CACNB3: variants seen among roughly 807,000 people sequenced by gnomAD.
The protein encoded by CACNB3 is voltage-dependent L-type calcium channel subunit beta-3.
A neutral mutation model predicts 63.7 loss-of-function variants in CACNB3; 36 were observed. The observed-to-expected ratio is 0.57, with a 90% CI of 0.43 to 0.75. The LOEUF (loss-of-function observed/expected upper bound fraction) is 0.75, where lower values mean the gene tolerates loss of function less well. CACNB3 is among the 30% of genes least tolerant of loss of function. The pLI, the probability that CACNB3 is intolerant of heterozygous loss-of-function variation, is 0.00. For missense variants in CACNB3, 493 were observed against 648.6 expected (o/e 0.76, Z 2.61); for synonymous variants, 241 against 250.6 (o/e 0.96, Z 0.36).
At chr12:48,815,780 G>A (rs537451015), upstream of CACNB3, 14 of 1,126,886 alleles carry the variant, frequency 1.2e-5, no homozygotes, top group South Asian at 1.6e-4. Flanking sequence ...CCACTGGGTG[G>A]GAGGAGAGCT....
At position 48,826,250 on chromosome 12, in the gene CACNB3, G is replaced by T; in HGVS notation, c.743-117G>T. On this transcript the variant is annotated intron_variant, in intron 9 of 12. Transcript: ENST00000301050. This position sits in a 1 kb window ranked among gnomAD's most constrained non-coding sequence, Gnocchi z 4.8. ...CCATTCCTCTGCCTGTCCAGGCTTC[G>T]ATGAATGCCCTTTTCCTCCAATTCC... 4 of 1,026,332 alleles carry T rather than the reference G, an allele frequency of 3.9e-6. No homozygotes were observed. The highest frequency in any genetic ancestry group is 5.8e-6 in the Non-Finnish European group (4 of 686,392). 63.6% of individuals were successfully genotyped at this position (1,026,332 alleles called of 1,614,324 possible).
rs1420940083 is a variant in CACNB3 at position 48,826,305 on chromosome 12, G to T, written c.743-62G>T. The T allele has an allele frequency of 1.3e-6, 2 of 1,577,878 alleles. No homozygotes were observed. The highest frequency in any genetic ancestry group is 1.7e-5 in the Admixed American group (1 of 59,492). On this transcript the variant is annotated intron_variant, in intron 9 of 12. Transcript: ENST00000301050. The surrounding 1 kb of genome is among the most constrained non-coding windows in gnomAD (Gnocchi z 4.8). ...TGTCCACCATTCGGGAGCCCTCAAA[G>T]CCTGCTGGAGTGAGCAGTGGGCAGA...
chr12:48,827,906 C>T lies in CACNB3; in HGVS notation c.*7C>T, dbSNP rs892732767. On this transcript the variant is annotated 3_prime_UTR_variant, in exon 13 of 13. Coordinates refer to ENST00000301050, the MANE Select transcript of CACNB3 (RefSeq NM_000725.4). ...GCCCAAGGATAGCTACTGACAGCCT[C>T]CTGCTGCCCTACCCTGGCAGGCACA... The T allele has an allele frequency of 4.3e-6, 7 of 1,610,364 alleles. No homozygotes were observed. Among genetic ancestry groups the T allele is most frequent in the Middle Eastern group, 1.6e-4 (1 of 6,074 alleles).
chr12:48,826,757 A>G lies in CACNB3; in HGVS notation c.895-2A>G, dbSNP rs1565670327. The G allele has an allele frequency of 6.2e-7, 1 of 1,612,706 alleles. No individual in the cohort carries two copies. The highest frequency in any genetic ancestry group is 8.5e-7 in the Non-Finnish European group (1 of 1,178,752). ...AGGCCTAGCTCTGCCCTCCCCGCTC[A>G]GGTACTCCAGCGTCTCATTCGCTCC... On this transcript the variant is annotated splice_acceptor_variant, in intron 10 of 12. Transcript: ENST00000301050. LOFTEE classifies it high-confidence loss of function. The surrounding 1 kb of genome is among the most constrained non-coding windows in gnomAD (Gnocchi z 4.8).
At position 48,818,850 on chromosome 12, in the gene CACNB3, G is replaced by C. The variant is rs1041502486; in HGVS notation, c.-80G>C. 2.1e-6 allele frequency: 3 copies of C among 1,449,270 alleles called. No homozygotes were observed. The highest frequency in any genetic ancestry group is 2.7e-6 in the Non-Finnish European group (3 of 1,101,294). The allele number at this position is 1,449,270 out of a possible 1,614,324, so 89.8% of individuals were successfully genotyped here. A position where few individuals can be genotyped will look rare whatever the true frequency, so the allele number is the denominator to read the frequency against. ...TGCGGGGCTCGGTGGCATCTCCCGG[G>C]CGCGGCCCGCAGTCCTTGCCCCTGC... On this transcript the variant is annotated 5_prime_UTR_variant, in exon 1 of 13. Coordinates refer to ENST00000301050, the MANE Select transcript of CACNB3 (RefSeq NM_000725.4). This position sits in a 1 kb window ranked among gnomAD's most constrained non-coding sequence, Gnocchi z 4.3.
In CACNB3 at chr12:48,825,613, G is replaced by A. The variant is rs375897587; in HGVS notation, c.633-47G>A. 9.5e-6 allele frequency: 15 copies of A among 1,580,212 alleles called. No homozygotes were observed. In the African/African-American group the frequency reaches 2.0e-4, roughly 21 times the overall value. On this transcript the variant is annotated intron_variant, in intron 8 of 12. Coordinates refer to ENST00000301050, the MANE Select transcript of CACNB3 (RefSeq NM_000725.4). This position sits in a 1 kb window ranked among gnomAD's most constrained non-coding sequence, Gnocchi z 4.5. ...AGTGGGAGCTGAGTAAGGAGAGGCT[G>A]AGGCACAGGTTTAGAAGCAAGCTGT... is the stretch of plus-strand genomic sequence containing the variant.
Position 48,823,279 on chromosome 12 carries a change from G to A in CACNB3, c.46-65G>A, listed in dbSNP as rs764309327. 6.8e-5 allele frequency: 108 copies of A among 1,585,980 alleles called. No homozygotes were observed. Among genetic ancestry groups the A allele is most frequent in the Non-Finnish European group, 6.1e-5 (71 of 1,165,296 alleles). ...CAATAGAGGCAACACTGTAAGGTGA[G>A]GAGGGTGCCTCCATGGCATCCTTCA... On this transcript the variant is annotated intron_variant, in intron 1 of 12. Transcript: ENST00000301050. This position sits in a 1 kb window ranked among gnomAD's most constrained non-coding sequence, Gnocchi z 4.2.
Position 48,826,756 on chromosome 12 carries a change from C to T in CACNB3, c.895-3C>T, listed in dbSNP as rs545812888. The T allele has an allele frequency of 4.3e-6, 7 of 1,612,746 alleles. No homozygotes were observed. The highest frequency in any genetic ancestry group is 3.3e-5 in the South Asian group (3 of 91,052). On this transcript the variant is annotated splice_polypyrimidine_tract_variant and splice_region_variant and intron_variant, in intron 10 of 12. Transcript: ENST00000301050. The surrounding 1 kb of genome is among the most constrained non-coding windows in gnomAD (Gnocchi z 4.8). ...CAGGCCTAGCTCTGCCCTCCCCGCTCAGGTACTCCAGCGTCTCATTCGCTC... is the reference window on the plus strand; with the variant it reads ...CAGGCCTAGCTCTGCCCTCCCCGCTTAGGTACTCCAGCGTCTCATTCGCTC...
upstream of CACNB3, chr12:48,815,735 G>T: frequency 7.0e-7 from 1 of 1,432,862 alleles, no homozygotes; most frequent in Non-Finnish European, 9.4e-7. Context: ...CGAGGTAACC[G>T]TGGGGGGGGT....
chr12:48,826,929 GCTA>G lies in CACNB3; in HGVS notation c.991-42_991-40del. ...CAGTGATAGAGATGGGTGGGGGGCTGCTACTGAGGGGAAACCAACGTTGCGCCT... is the reference window on the plus strand; with the variant it reads ...CAGTGATAGAGATGGGTGGGGGGCTGCTGAGGGGAAACCAACGTTGCGCCT... On this transcript the variant is annotated intron_variant, in intron 11 of 12. Transcript: ENST00000301050. The surrounding 1 kb of genome is among the most constrained non-coding windows in gnomAD (Gnocchi z 4.8). 1.2e-6 allele frequency: 2 copies of G among 1,613,202 alleles called. No homozygotes were observed. The highest frequency in any genetic ancestry group is 1.1e-5 in the South Asian group (1 of 91,016).
rs774522077 is a variant in CACNB3 at position 48,826,898 on chromosome 12, C to T, written c.990+44C>T. ...TGCTCCTGTGCCCACTCCCCCAGGG[C>T]TGCGGCAGTGATAGAGATGGGTGGG... On this transcript the variant is annotated intron_variant, in intron 11 of 12. Coordinates refer to ENST00000301050, the MANE Select transcript of CACNB3 (RefSeq NM_000725.4). The surrounding 1 kb of genome is among the most constrained non-coding windows in gnomAD (Gnocchi z 4.8). 1 of 1,612,338 alleles carries T rather than the reference C, an allele frequency of 6.2e-7. No homozygotes were observed. The highest frequency in any genetic ancestry group is 8.5e-7 in the Non-Finnish European group (1 of 1,178,540).
chr12:48,821,521 G>T (rs1469353714), intron 1 of CACNB3: 2 of 152,184 alleles, frequency 1.3e-5, no homozygotes, highest in African/African-American at 2.4e-5. Flanking sequence ...ACTAAATTGG[G>T]CTGAGAGCCT....
rs1447006344 is a variant in CACNB3 at position 48,826,350 on chromosome 12, G to A, written c.743-17G>A. ...GGCAGAGCTCCTGGTGAGCACTGCT[G>A]CTGCCTCCCTCCATAGCGGAAGTGC... is the stretch of plus-strand genomic sequence containing the variant. On this transcript the variant is annotated splice_polypyrimidine_tract_variant and intron_variant, in intron 9 of 12. Transcript: ENST00000301050. The surrounding 1 kb of genome is among the most constrained non-coding windows in gnomAD (Gnocchi z 4.8). The A allele has an allele frequency of 1.9e-6, 3 of 1,613,722 alleles. No homozygotes were observed. The highest frequency in any genetic ancestry group is 2.2e-5 in the East Asian group (1 of 44,890).
At position 48,818,532 on chromosome 12, in the gene CACNB3, C is replaced by T; in HGVS notation, c.-398C>T. 9.8e-7 allele frequency: 1 copy of T among 1,018,190 alleles called. No homozygotes were observed. The allele number at this position is 1,018,190 out of a possible 1,614,324, so 63.1% of individuals were successfully genotyped here. On this transcript the variant is annotated 5_prime_UTR_variant, in exon 1 of 13. Transcript: ENST00000301050. The surrounding 1 kb of genome is among the most constrained non-coding windows in gnomAD (Gnocchi z 4.3). ...CCGCCGCCACGGCCCCGTAGGTGCT[C>T]GGGGACCCACCTTCCACCTAGCACG...
At position 48,828,656 on chromosome 12, in the gene CACNB3, G is replaced by A. The variant is rs1237503892; in HGVS notation, c.*757G>A. ...GGTTTGGGGAAGGAGGGCATGTGTA[G>A]CAGAGAACTTAGGGGGGCCTCCTTG... On this transcript the variant is annotated 3_prime_UTR_variant, in exon 13 of 13. Coordinates refer to ENST00000301050, the MANE Select transcript of CACNB3 (RefSeq NM_000725.4). The A allele has an allele frequency of 1.3e-5, 6 of 456,240 alleles. No homozygotes were observed. The highest frequency in any genetic ancestry group is 2.4e-5 in the Admixed American group (1 of 42,552). The allele number at this position is 456,240 out of a possible 1,614,324, so 28.3% of individuals were successfully genotyped here.
Position 48,827,040 on chromosome 12 carries a change from C to T in CACNB3, c.1057C>T (p.Leu353=). ...EDACEHLAEY[L]EVYWRATHHP... The stretch of plus-strand genomic sequence containing the variant: ...TGCCTGTGAGCACCTGGCTGAGTAC[C>T]TGGAGGTTTACTGGCGGGCCACGCA... Residue 353 remains leucine (L), a synonymous_variant, in exon 12 of 13, where the codon CTG becomes TTG. Coordinates refer to ENST00000301050, the MANE Select transcript of CACNB3 (RefSeq NM_000725.4). 6.2e-7 allele frequency: 1 copy of T among 1,614,052 alleles called. No individual in the cohort carries two copies. Among genetic ancestry groups the T allele is most frequent in the Non-Finnish European group, 8.5e-7 (1 of 1,180,030 alleles).
At position 48,825,224 on chromosome 12, in the gene CACNB3, C is replaced by A; in HGVS notation, c.554C>A (p.Pro185His). ...PSMRPVVLVG[P>H]SLKGYEVTDM... ...ATGCGGCCTGTGGTGCTGGTGGGAC[C>A]CTCTCTGAAAGGTTATGAGGTGAGA... The change falls in exon 7 of 13, where the codon CCC (proline) becomes CAC (histidine). Residue 185 changes from proline to histidine, a missense_variant. Coordinates refer to ENST00000301050, the MANE Select transcript of CACNB3 (RefSeq NM_000725.4). The surrounding 1 kb of genome is among the most constrained non-coding windows in gnomAD (Gnocchi z 4.5). 6.2e-7 allele frequency: 1 copy of A among 1,614,054 alleles called. No homozygotes were observed.
rs372866236 is a variant in CACNB3, at chr12:48,826,902, G to A, written c.990+48G>A. ...CCTGTGCCCACTCCCCCAGGGCTGCGGCAGTGATAGAGATGGGTGGGGGGC... is the reference window on the plus strand; with the variant it reads ...CCTGTGCCCACTCCCCCAGGGCTGCAGCAGTGATAGAGATGGGTGGGGGGC... On this transcript the variant is annotated intron_variant, in intron 11 of 12. Transcript: ENST00000301050. The surrounding 1 kb of genome is among the most constrained non-coding windows in gnomAD (Gnocchi z 4.8). The A allele has an allele frequency of 3.7e-5, 59 of 1,612,778 alleles. No individual in the cohort carries two copies. Among genetic ancestry groups the A allele is most frequent in the African/African-American group, 6.7e-5 (5 of 74,882 alleles).
At position 48,824,700 on chromosome 12, in the gene CACNB3, A is replaced by T. The variant is rs777325450; in HGVS notation, c.439A>T (p.Ile147Phe). The T allele has an allele frequency of 1.2e-4, 195 of 1,613,004 alleles. No individual in the cohort carries two copies. The East Asian group carries it at 4.4e-3, about 36-fold the overall frequency. Reference protein sequence around the residue: ...RSGNPSSLSDIGNRRSPPPSL... With the variant: ...RSGNPSSLSDFGNRRSPPPSL... ...TGGGAACCCTTCCAGCCTGAGTGAC[A>T]TTGGCAACCGACGCTCCCCTCCGCC... The change falls in exon 5 of 13, where the codon ATT becomes TTT. Residue 147 changes from isoleucine (I) to phenylalanine (F), a missense_variant. Transcript: ENST00000301050.
Sources: allele counts gnomAD v4.1 joint callset, GRCh38; gene constraint gnomAD v4.1.1; non-coding constraint Gnocchi (gnomAD v3.1); transcripts MANE v1.5; gene names NCBI Gene and HGNC (gene_info 2026-07-23, HGNC 2026-07-21).